Variants in N4BP2 observed in about 807,000 individuals in gnomAD.
N4BP2 encodes NEDD4 binding protein 2, also known as NEDD4-binding protein 2.
A neutral mutation model predicts 152.8 loss-of-function variants in N4BP2; 91 were observed. The observed-to-expected ratio is 0.60, with a 90% CI of 0.50 to 0.71. The LOEUF (loss-of-function observed/expected upper bound fraction) is 0.71, where lower values mean the gene tolerates loss of function less well. N4BP2 is among the 30% of genes least tolerant of loss of function. The pLI, the probability that N4BP2 is intolerant of heterozygous loss-of-function variation, is 0.00. For missense variants in N4BP2, 1,923 were observed against 2,059.1 expected (o/e 0.93, Z 1.28); for synonymous variants, 646 against 705.3 (o/e 0.92, Z 1.33).
intron 1 of N4BP2, 117 bp downstream of exon 1, chr4:40,057,147 G>C (rs1410987510): frequency 2.0e-5 from 3 of 152,738 alleles, no homozygotes; most frequent in African/African-American, 7.2e-5. Context: ...GCGGCGCGGC[G>C]AATGAACCCC....
chr4:40,151,735 A>T (rs1047914879), intron 16 of N4BP2, among the ~76,000 whole-genome samples: 1 of 152,214 alleles, frequency 6.6e-6, no homozygotes, highest in Admixed American at 6.5e-5. Context: ...ACTCAGTTGA[A>T]TTTTGAGCAA....
chr4:40,102,617 G>A lies in N4BP2; in HGVS notation c.772G>A (p.Gly258Ser). The A allele has an allele frequency of 5.0e-6, 8 of 1,614,160 alleles. No homozygotes were observed. Among genetic ancestry groups the A allele is most frequent in the Non-Finnish European group, 6.8e-6 (8 of 1,180,032 alleles). The change falls in exon 4 of 18, where the codon GGT becomes AGT. Residue 258 changes from glycine (G) to serine (S), a missense_variant. Coordinates refer to ENST00000261435, the MANE Select transcript of N4BP2 (RefSeq NM_018177.6). ...AAATGTAGCAAGTGACTCCATCGCA[G>A]GTTGTAGCAGTCTCAATCAAAAACA... ...SLNVASDSIA[G>S]CSSLNQKQKE...
At chr4:40,169,981 G>T in the N4BP2 span, among the ~76,000 whole-genome samples, 17 of 141,668 alleles carry the variant, frequency 1.2e-4, no homozygotes, top group African/African-American at 4.5e-4. Context: ...AAAAAAAAAA[G>T]TAAAATAACC....
chr4:40,064,426 C>T (rs1351691784), intron 1 of N4BP2, among the ~76,000 whole-genome samples: 1 of 151,966 alleles, frequency 6.6e-6, no homozygotes, highest in Admixed American at 6.6e-5. Context: ...AAGCGCGCAC[C>T]ACCACGCCTG....
chr4:40,090,408 C>T (rs1714410017), intron 2 of N4BP2, among the ~76,000 whole-genome samples: 1 of 152,144 alleles, frequency 6.6e-6, no homozygotes, highest in Non-Finnish European at 1.5e-5. Context: ...CATCTTTGAA[C>T]ATTTCTTTCA....
chr4:40,175,737 G>A, the N4BP2 span, among the ~76,000 whole-genome samples: 2 of 144,620 alleles, frequency 1.4e-5, no homozygotes, highest in Non-Finnish European at 3.0e-5. Context: ...TCAAACTCAG[G>A]TAACGGAGGT....
intron 9 of N4BP2, 104 bp downstream of exon 9, chr4:40,122,413 GC>G: frequency 2.8e-6 from 2 of 710,866 alleles, no homozygotes; most frequent in Non-Finnish European, 4.3e-6. Context: ...TCGCTCTGTT[GC>G]CCAGGCTGGA....
At chr4:40,062,365 C>G (rs571319342) in intron 1 of N4BP2, among the ~76,000 whole-genome samples, 1 of 152,092 alleles carries the variant, frequency 6.6e-6, no homozygotes, top group Non-Finnish European at 1.5e-5. Flanking sequence ...TCCCTATCCT[C>G]GCTGCTGCCC....
chr4:40,161,935 C>A (rs144402424), downstream of N4BP2, among the ~76,000 whole-genome samples: 300 of 152,258 alleles, frequency 2.0e-3, no homozygotes, highest in African/African-American at 6.8e-3. Context: ...TCAGGAGGCC[C>A]CCATGGCACT....
At chr4:40,122,484 C>G (rs1212069934) in intron 9 of N4BP2, among the ~76,000 whole-genome samples, 175 bp downstream of exon 9, 1 of 152,108 alleles carries the variant, frequency 6.6e-6, no homozygotes, top group Non-Finnish European at 1.5e-5. Flanking sequence ...AGTGATTCTC[C>G]TGCCTCAGCC....
chr4:40,182,319 G>A, the N4BP2 span, among the ~76,000 whole-genome samples: 5 of 152,232 alleles, frequency 3.3e-5, no homozygotes, highest in Admixed American at 2.0e-4. Context: ...CAGATGCCAC[G>A]TTAGGAAAGG....
At position 40,121,371 on chromosome 4, in the gene N4BP2, A is replaced by T; in HGVS notation, c.3260A>T (p.Asp1087Val). 6.2e-7 allele frequency: 1 copy of T among 1,613,532 alleles called. No individual in the cohort carries two copies. The highest frequency in any genetic ancestry group is 8.5e-7 in the Non-Finnish European group (1 of 1,179,866). Residue 1087 changes from aspartate (D) to valine (V), a missense_variant, in exon 9 of 18, where the codon GAT becomes GTT. Coordinates refer to ENST00000261435, the MANE Select transcript of N4BP2 (RefSeq NM_018177.6). ...GAAGAAAGTGAGCTTACCAGTGCAG[A>T]TGAATCTGAAAATCTTAACATTCTT... ...FVEESELTSA[D>V]ESENLNILCK...
intron 14 of N4BP2, chr4:40,142,141 G>GGGAGGGA (rs1720065196): frequency 6.2e-6 from 1 of 162,092 alleles, no homozygotes; most frequent in African/African-American, 2.5e-5. Context: ...AGGGGGAGGG[G>GGGAGGGA]GAGGGAGAGG....
intron 2 of N4BP2, among the ~76,000 whole-genome samples, chr4:40,088,593 C>T (rs113429871): frequency 1.6e-3 from 244 of 152,054 alleles, no homozygotes; most frequent in African/African-American, 5.5e-3. Flanking sequence ...CTCCGCCTCC[C>T]GGGTTCAAGT....
chr4:40,096,094 ATATAT>A (rs555780088), intron 2 of N4BP2, among the ~76,000 whole-genome samples: 126 of 152,304 alleles, frequency 8.3e-4, no homozygotes, highest in African/African-American at 2.9e-3. Context: ...TGTTTATTAG[ATATAT>A]TCAAGCAGAG....
intron 2 of N4BP2, 38 bp from the exon 3 acceptor site, chr4:40,097,189 T>C: frequency 4.9e-6 from 3 of 616,502 alleles, no homozygotes; most frequent in Non-Finnish European, 8.5e-6. Flanking sequence ...AATGGAAATA[T>C]ATATAGTCTG....
chr4:40,141,379 C>A (rs576229384), intron 14 of N4BP2, among the ~76,000 whole-genome samples: 1 of 151,494 alleles, frequency 6.6e-6, no homozygotes, highest in Non-Finnish European at 1.5e-5. Flanking sequence ...ACGGGGCAGC[C>A]GGGCAGAGAC....
At chr4:40,060,586 G>A (rs1187319093) in intron 1 of N4BP2, among the ~76,000 whole-genome samples, 2 of 148,180 alleles carry the variant, frequency 1.3e-5, no homozygotes, top group Non-Finnish European at 3.0e-5. Context: ...ATAAATTTAT[G>A]TGGCTAAGTA....
At chr4:40,165,640 A>T in the N4BP2 span, among the ~76,000 whole-genome samples, 896 of 152,250 alleles carry the variant, frequency 5.9e-3, 9 homozygotes, top group African/African-American at 0.021. Flanking sequence ...AGATCCACTG[A>T]TATACTATAC....
Sources: allele counts gnomAD v4.1 joint callset (sites outside exome capture counted in the v4.1 genomes callset), GRCh38; gene constraint gnomAD v4.1.1; transcripts MANE v1.5; gene names NCBI Gene and HGNC (gene_info 2026-07-23, HGNC 2026-07-21).